The following SKP2 variants were observed in gnomAD, a reference collection of about 807,000 sequenced individuals.
SKP2 encodes the protein S-phase kinase-associated protein 2.
A neutral mutation model predicts 51.8 loss-of-function variants in SKP2; 16 were observed. The ratio of observed to expected loss-of-function variants is 0.31; its 90% CI spans 0.21 to 0.47. The LOEUF is 0.47. SKP2 is among the 20% of genes least tolerant of loss of function. SKP2 has a pLI of 1.00. For missense variants in SKP2, 377 were observed against 505.3 expected (o/e 0.75, Z 2.43); for synonymous variants, 176 against 198.6 (o/e 0.89, Z 0.96).
At chr5:36,176,596 T>C (rs186170839) in intron 7 of SKP2, among the ~76,000 whole-genome samples, 2 of 151,944 alleles carry the variant, frequency 1.3e-5, no homozygotes, top group African/African-American at 2.4e-5. Context: ...GATCCATTAT[T>C]TCTCTTGTTG....
chr5:36,173,236 T>G (rs923614413), intron 7 of SKP2, among the ~76,000 whole-genome samples: 7 of 152,192 alleles, frequency 4.6e-5, no homozygotes. Flanking sequence ...ACTTTCAGAA[T>G]CTTCCCAGTT....
chr5:36,165,830 C>T (rs1420038213), intron 3 of SKP2, among the ~76,000 whole-genome samples: 1 of 152,096 alleles, frequency 6.6e-6, no homozygotes, highest in Non-Finnish European at 1.5e-5. Flanking sequence ...TATTAAAACC[C>T]TCTTACTGTG....
At chr5:36,173,424 CTT>C (rs1339119450) in intron 7 of SKP2, among the ~76,000 whole-genome samples, 14 of 152,186 alleles carry the variant, frequency 9.2e-5, no homozygotes, top group African/African-American at 3.4e-4. Flanking sequence ...CGAGCATCCT[CTT>C]AGTGTGAAAT....
chr5:36,191,091 A>G (rs371570436), intron 6 of SKP2, among the ~76,000 whole-genome samples: 11 of 152,276 alleles, frequency 7.2e-5, no homozygotes, highest in East Asian at 1.9e-4. Context: ...TGTGTTCTAC[A>G]TTCTGGATTT....
Position 36,181,981 on chromosome 5 carries a change from A to C in SKP2, c.1225A>C (p.Ile409Leu). 6.2e-7 allele frequency: 1 copy of C among 1,614,112 alleles called. No homozygotes were observed. Among genetic ancestry groups the C allele is most frequent in the Non-Finnish European group, 8.5e-7 (1 of 1,180,006 alleles). Residue 409 changes from isoleucine to leucine, a missense_variant, in exon 10 of 10, where the codon ATA (isoleucine) becomes CTA (leucine). Physicochemically the swap from Ile to Leu is conservative, Grantham distance 5. Around this residue, in one of 2 missense-constraint regions of SKP2, gnomAD observed 262 missense variants for 389.8 expected, o/e 0.67. Coordinates refer to ENST00000274255, the MANE Select transcript of SKP2 (RefSeq NM_005983.4). ...PTIGNKKNQE[I>L]WGIKCRLTLQ... ...TATTGGCAACAAAAAGAACCAGGAG[A>C]TATGGGGCATCAAATGCCGACTGAC...
chr5:36,166,725 C>CTTTTTTTTTTTTTTTTT (rs3086385), intron 4 of SKP2, 63 bp downstream of exon 4: 1 of 861,572 alleles, frequency 1.2e-6, no homozygotes. Flanking sequence ...CAGATCAAAG[C>CTTTTTTTTTTTTTTTTT]TTTTTTTTTT....
At chr5:36,163,984 G>C (rs1745207383) in intron 3 of SKP2, among the ~76,000 whole-genome samples, 1 of 152,184 alleles carries the variant, frequency 6.6e-6, no homozygotes, top group South Asian at 2.1e-4. Context: ...CCTGTATTCA[G>C]TGCAGCATGT....
rs200260153 is a variant in SKP2 at position 36,181,848 on chromosome 5, A to T, written c.1092A>T (p.Thr364=). The T allele has an allele frequency of 6.2e-7, 1 of 1,613,686 alleles. No individual in the cohort carries two copies. Among genetic ancestry groups the T allele is most frequent in the Non-Finnish European group, 8.5e-7 (1 of 1,179,582 alleles). ...LELGEIPTLK[T]LQVFGIVPDG... ...TTGGAGAAATTCCCACACTAAAAAC[A>T]CTACAAGTTTTTGGAATCGTGCCAG... is the stretch of plus-strand genomic sequence containing the variant. Residue 364 remains threonine, a synonymous_variant, in exon 10 of 10, where the codon ACA becomes ACT. Transcript: ENST00000274255.
intron 9 of SKP2, among the ~76,000 whole-genome samples, chr5:36,181,114 G>T (rs1052987556): frequency 3.3e-5 from 5 of 152,130 alleles, no homozygotes; most frequent in Non-Finnish European, 5.9e-5. Context: ...CATCTAATGT[G>T]AAATACCTAA....
intron 2 of SKP2, among the ~76,000 whole-genome samples, chr5:36,155,761 T>C (rs1350397217): frequency 6.6e-6 from 1 of 152,190 alleles, no homozygotes; most frequent in African/African-American, 2.4e-5. Flanking sequence ...TATTAACCTG[T>C]CCAGTGCCGA....
exon 7 of SKP2, chr5:36,192,637 T>C (rs1286677540): frequency 6.6e-6 from 1 of 152,148 alleles, no homozygotes; most frequent in African/African-American, 2.4e-5. Flanking sequence ...TGAATGTAAA[T>C]GCACAAGGAG....
At chr5:36,191,898 A>G (rs1746032608) in intron 6 of SKP2, among the ~76,000 whole-genome samples, 1 of 113,022 alleles carries the variant, frequency 8.8e-6, no homozygotes, top group African/African-American at 4.4e-5. Context: ...AAAAGCCTAT[A>G]CTAATATTAT....
rs574398972 is a variant in SKP2, at chr5:36,152,145, T to C, written c.-118T>C. On this transcript the variant is annotated 5_prime_UTR_variant, in exon 1 of 10. Coordinates refer to ENST00000274255, the MANE Select transcript of SKP2 (RefSeq NM_005983.4). ...GGAACGTTGCTAGGCTTAGCGGGTC[T>C]GGCTGCTGGGGGCCCGAGCAGCACG... 2.9e-6 allele frequency: 3 copies of C among 1,043,092 alleles called. No homozygotes were observed. Among genetic ancestry groups the C allele is most frequent in the East Asian group, 4.7e-5 (2 of 42,240 alleles). The allele number at this position is 1,043,092 out of a possible 1,614,324, so 64.6% of individuals were successfully genotyped here. A position where few individuals can be genotyped will look rare whatever the true frequency, so the allele number is the denominator to read the frequency against.
chr5:36,190,097 G>A (rs867727996), intron 6 of SKP2, among the ~76,000 whole-genome samples: 67 of 152,160 alleles, frequency 4.4e-4, no homozygotes, highest in African/African-American at 1.5e-3. Flanking sequence ...GGAGTGACCC[G>A]ATTTTCCAGG....
At chr5:36,169,039 C>G (rs373040234) in intron 5 of SKP2, among the ~76,000 whole-genome samples, 1 of 152,146 alleles carries the variant, frequency 6.6e-6, no homozygotes, top group Admixed American at 6.5e-5. Flanking sequence ...TTGGAAGTTG[C>G]TGGAGCACAG....
intron 5 of SKP2, among the ~76,000 whole-genome samples, chr5:36,168,757 C>G (rs1745376376): frequency 1.3e-5 from 2 of 152,184 alleles, no homozygotes; most frequent in African/African-American, 4.8e-5. Flanking sequence ...GCTGGTTAAG[C>G]TATAGTTTAC....
downstream of SKP2, among the ~76,000 whole-genome samples, chr5:36,186,529 T>C (rs544794481): frequency 6.0e-4 from 91 of 152,380 alleles, 1 homozygote; most frequent in East Asian, 0.017. Flanking sequence ...GTTGGTTCTG[T>C]TTATATGCTG....
At position 36,183,850 on chromosome 5, in the gene SKP2, A is replaced by G. The variant is rs753518047; in HGVS notation, c.*1819A>G. ...AATTATTGTTTACAGATTAGTGACA[A>G]GAGCTGGGGTTAGGATCCGGTTGGA... On this transcript the variant is annotated 3_prime_UTR_variant, in exon 10 of 10. Transcript: ENST00000274255. The G allele has an allele frequency of 1.3e-6, 2 of 1,595,088 alleles. No individual in the cohort carries two copies. Among genetic ancestry groups the G allele is most frequent in the South Asian group, 2.3e-5 (2 of 86,880 alleles).
At chr5:36,188,436 A>G (rs557134620), downstream of SKP2, among the ~76,000 whole-genome samples, 1 of 152,176 alleles carries the variant, frequency 6.6e-6, no homozygotes, top group South Asian at 2.1e-4. Context: ...TGGCGAGAAA[A>G]TCTCTCAGCA....
Sources: gnomAD v4.1 joint callset for allele counts (sites outside exome capture counted in the v4.1 genomes callset) on GRCh38, gnomAD v4.1.1 for gene constraint, gnomAD v4.1.1 regional missense constraint, MANE v1.5 for transcripts, NCBI Gene and HGNC (gene_info 2026-07-23, HGNC 2026-07-21) for gene names.